RS1: variants seen among roughly 807,000 people sequenced by gnomAD.
The protein encoded by RS1 is retinoschisin 1.
In RS1, 2 loss-of-function variants were observed where a neutral mutation model predicts 20.8. The observed-to-expected ratio is 0.10, with a 90% CI of 0.04 to 0.30. The LOEUF is 0.30. Ranked by LOEUF, RS1 falls within the 10% of genes least tolerant of loss-of-function variation. RS1 has a pLI of 1.00. For synonymous variants in RS1, 70 were observed against 75.8 expected (o/e 0.92, Z 0.40); for missense variants, 151 against 189.8 (o/e 0.80, Z 1.20).
At position 18,642,024 on chromosome X, in the gene RS1, A is replaced by C. The variant is rs281865369; in HGVS notation, c.655T>G (p.Cys219Gly). Reference protein sequence around the residue: ...RIAIRMELLECVSKCA With the variant: ...RIAIRMELLEGVSKCA Reference sequence around the variant, plus strand: ...AGGCATCAGGCACACTTGCTGACGCACTCCAGCAGCTCCATCCGGATGGCA... The same window carrying C: ...AGGCATCAGGCACACTTGCTGACGCCCTCCAGCAGCTCCATCCGGATGGCA... Residue 219 changes from cysteine to glycine, a missense_variant, in exon 6 of 6, where the codon TGC (cysteine) becomes GGC (glycine). Cys to Gly is a radical substitution (Grantham distance 159). Coordinates refer to ENST00000379984, the MANE Select transcript of RS1 (RefSeq NM_000330.4). 1 of 1,210,957 alleles carries C rather than the reference A, an allele frequency of 8.3e-7. No individual in the cohort carries two copies. The highest frequency in any genetic ancestry group is 1.7e-5 in the African/African-American group (1 of 57,626).
At chrX:18,660,505 G>A (rs749726607) in intron 1 of RS1, among the ~76,000 whole-genome samples, 4 of 110,928 alleles carry the variant, frequency 3.6e-5, no homozygotes, top group Admixed American at 1.9e-4. Flanking sequence ...CACCACACCC[G>A]GCCTTCCCAG....
chrX:18,649,204 C>T (rs1486440773), intron 3 of RS1, among the ~76,000 whole-genome samples: 2 of 111,000 alleles, frequency 1.8e-5, no homozygotes, highest in African/African-American at 6.6e-5. Flanking sequence ...CAGTTCCTAA[C>T]TGAATTTCTA....
intron 3 of RS1, among the ~76,000 whole-genome samples, chrX:18,655,016 C>T (rs755468339): frequency 7.2e-5 from 5 of 69,670 alleles, no homozygotes; most frequent in Non-Finnish European, 1.4e-4. Flanking sequence ...GCAGCAAGGC[C>T]GGTTTCATGC....
chrX:18,645,657 A>G (rs781589263), intron 4 of RS1, among the ~76,000 whole-genome samples: 4 of 110,591 alleles, frequency 3.6e-5, no homozygotes, highest in African/African-American at 6.6e-5. Flanking sequence ...CCACACCTCA[A>G]CTACTCTCCC....
At chrX:18,653,585 C>T in intron 3 of RS1, 1 of 1,188,805 alleles carries the variant, frequency 8.4e-7, no homozygotes, top group Non-Finnish European at 1.1e-6. Context: ...CCTGAATCAC[C>T]TCTCTCATGG....
chrX:18,667,270 G>T (rs1928419932), intron 1 of RS1, among the ~76,000 whole-genome samples: 1 of 111,474 alleles, frequency 9.0e-6, no homozygotes, highest in Non-Finnish European at 1.9e-5. Context: ...ATTGTGCCAG[G>T]CCCGTGGCTC....
intron 3 of RS1, among the ~76,000 whole-genome samples, chrX:18,653,021 C>A (rs1928115325): frequency 1.8e-5 from 2 of 112,326 alleles, no homozygotes; most frequent in African/African-American, 6.5e-5. Context: ...AGATTCCAGA[C>A]AGATGTGAAT....
At chrX:18,667,131 A>G (rs1928418154) in intron 1 of RS1, among the ~76,000 whole-genome samples, 1 of 111,502 alleles carries the variant, frequency 9.0e-6, no homozygotes. Flanking sequence ...AAAGGAAATC[A>G]GCAATTAGGG....
intron 4 of RS1, chrX:18,646,152 C>CTT (rs971139221): frequency 9.6e-6 from 11 of 1,146,596 alleles, no homozygotes; most frequent in Non-Finnish European, 1.2e-5. Flanking sequence ...CTGAATGAAA[C>CTT]TTTTTTTTTT....
chrX:18,660,811 C>T (rs1237407153), intron 1 of RS1, among the ~76,000 whole-genome samples: 1 of 112,174 alleles, frequency 8.9e-6, no homozygotes, highest in Non-Finnish European at 1.9e-5. Context: ...AAGCCTCACT[C>T]TCTGCTCACA....
At chrX:18,648,434 A>G (rs1188512274) in intron 3 of RS1, among the ~76,000 whole-genome samples, 1 of 109,125 alleles carries the variant, frequency 9.2e-6, no homozygotes, top group East Asian at 3.0e-4. Flanking sequence ...TAGAGACAGG[A>G]TTTTGCCATG....
chrX:18,655,980 CTTTTCCT>C (rs1928205435), intron 3 of RS1, among the ~76,000 whole-genome samples: 1 of 89,280 alleles, frequency 1.1e-5, no homozygotes, highest in Admixed American at 1.3e-4. Context: ...CTTTTCTTTT[CTTTTCCT>C]TTTTTTTTTT....
rs778125688 is a variant in RS1, at chrX:18,641,423, C to T, written c.*581G>A. ...AACTCCCCTACCTTGGGCTTTTGGT[C>T]ATTTGTCACGTATAGCCTCTCAGGG... On this transcript the variant is annotated 3_prime_UTR_variant, in exon 6 of 6. Coordinates refer to ENST00000379984, the MANE Select transcript of RS1 (RefSeq NM_000330.4). 1 of 115,139 alleles carries T rather than the reference C, an allele frequency of 8.7e-6. No individual in the cohort carries two copies. The highest frequency in any genetic ancestry group is 2.7e-4 in the East Asian group (1 of 3,696). 9.5% of individuals were successfully genotyped at this position (115,139 alleles called of 1,213,427 possible).
chrX:18,649,177 G>A (rs769591569), intron 3 of RS1, among the ~76,000 whole-genome samples: 53 of 110,879 alleles, frequency 4.8e-4, no homozygotes, highest in African/African-American at 1.6e-3. Flanking sequence ...AGGGGGTCTT[G>A]TGCTTATAAC....
chrX:18,666,788 G>A (rs762140314), intron 1 of RS1, among the ~76,000 whole-genome samples: 10 of 110,708 alleles, frequency 9.0e-5, no homozygotes, highest in African/African-American at 2.6e-4. Context: ...CAGATTACGC[G>A]TGGCAGGGGT....
intron 1 of RS1, among the ~76,000 whole-genome samples, chrX:18,670,066 T>A (rs187628445): frequency 2.9e-4 from 32 of 111,373 alleles, no homozygotes; most frequent in African/African-American, 1.0e-3. Context: ...CAGCCTGTCT[T>A]TTATTGCTGA....
chrX:18,652,668 C>CA (rs112755044), intron 3 of RS1, among the ~76,000 whole-genome samples: 26,025 of 103,874 alleles, frequency 0.25, 2,930 homozygotes, highest in African/African-American at 0.4. Flanking sequence ...GACTACATTT[C>CA]AAAAAAAAAA....
At position 18,672,084 on chromosome X, in the gene RS1, G is replaced by A. The variant is rs964065643; in HGVS notation, c.-16C>T. 23 of 1,205,001 alleles carry A rather than the reference G, an allele frequency of 1.9e-5. No individual in the cohort carries two copies. Among genetic ancestry groups the A allele is most frequent in the Admixed American group, 4.4e-5 (2 of 45,771 alleles). ...TGCGTGACATCTTCCCCTCGTCCTC[G>A]GCCAAAGCTCTACCTTACTGAACTG... On this transcript the variant is annotated 5_prime_UTR_variant, in exon 1 of 6. Coordinates refer to ENST00000379984, the MANE Select transcript of RS1 (RefSeq NM_000330.4).
At chrX:18,661,475 G>C (rs962506945) in intron 1 of RS1, among the ~76,000 whole-genome samples, 7 of 111,952 alleles carry the variant, frequency 6.3e-5, no homozygotes, top group Admixed American at 9.5e-5. Context: ...GCTTGTGTTA[G>C]TCAGCCCCAT....
Sources: gnomAD v4.1 joint callset for allele counts (sites outside exome capture counted in the v4.1 genomes callset) on GRCh38, gnomAD v4.1.1 for gene constraint, MANE v1.5 for transcripts, NCBI Gene and HGNC (gene_info 2026-07-23, HGNC 2026-07-21) for gene names.